The following ZZEF1 variants were observed in gnomAD, a reference collection of about 807,000 sequenced individuals.
ZZEF1 encodes the protein zinc finger ZZ-type and EF-hand domain-containing protein 1.
Under a neutral mutation model 342.8 loss-of-function variants are expected in ZZEF1, and 157 were observed. The observed-to-expected ratio is 0.46, with a 90% confidence interval of 0.40 to 0.52. The LOEUF (loss-of-function observed/expected upper bound fraction) is 0.52. ZZEF1 is among the 20% of genes least tolerant of loss of function. The probability of loss-of-function intolerance (pLI) is 0.00; values close to 1 mark genes in which losing one functional copy is unlikely to be tolerated. For synonymous variants in ZZEF1, 1,505 were observed against 1,429.1 expected, an observed-to-expected ratio of 1.05 and a Z score of -1.20; for missense variants, 3,480 against 3,725.6, an observed-to-expected ratio of 0.93 and a Z score of 1.72.
chr17:4,018,529 T>C (rs567711389), intron 46 of ZZEF1, among the ~76,000 whole-genome samples: 25 of 152,108 alleles, frequency 1.6e-4, no homozygotes, highest in African/African-American at 5.1e-4. Context: ...ACTGCTGTGG[T>C]TGGAGGTTTA....
intron 25 of ZZEF1, 133 bp from the exon 26 acceptor site, chr17:4,071,057 G>T: frequency 9.5e-7 from 1 of 1,053,018 alleles, no homozygotes; most frequent in South Asian, 1.8e-5. Context: ...TCTATTTTAG[G>T]AAGACCAGAC....
At chr17:4,076,615 C>T in intron 21 of ZZEF1, 22 bp downstream of exon 21, 1 of 1,599,196 alleles carries the variant, frequency 6.3e-7, no homozygotes, top group South Asian at 1.1e-5. Flanking sequence ...CACGGGGCGG[C>T]TCAAGTGCTG....
intron 52 of ZZEF1, among the ~76,000 whole-genome samples, chr17:4,012,518 CAG>C (rs1244764039): frequency 1.3e-5 from 2 of 152,184 alleles, no homozygotes; most frequent in Non-Finnish European, 2.9e-5. Flanking sequence ...GAGCTCCTGA[CAG>C]GGAGGGTTCT....
chr17:4,063,185 C>T (rs1457907224), intron 29 of ZZEF1, among the ~76,000 whole-genome samples: 2 of 152,232 alleles, frequency 1.3e-5, no homozygotes, highest in African/African-American at 4.8e-5. Flanking sequence ...TTGATATTTT[C>T]ACTTTCCATA....
At chr17:4,123,267 CCATATATATATATATATATATATA>C (rs2058514704) in intron 2 of ZZEF1, among the ~76,000 whole-genome samples, 1 of 41,522 alleles carries the variant, frequency 2.4e-5, no homozygotes, top group African/African-American at 8.8e-5. Context: ...TTTATCATAA[CCATATATATATATATATATATATA>C]TATATATATA....
At chr17:4,038,168 T>C (rs2056716721) in intron 39 of ZZEF1, among the ~76,000 whole-genome samples, 1 of 152,248 alleles carries the variant, frequency 6.6e-6, no homozygotes, top group Non-Finnish European at 1.5e-5. Flanking sequence ...TTTGAGAGGA[T>C]ATGGAGCAAA....
rs2058202695 is a variant in ZZEF1, at chr17:4,105,816, G to C, written c.1278-7C>G. 6.3e-7 allele frequency: 1 copy of C among 1,591,542 alleles called. No individual in the cohort carries two copies. ...CATGTGCCGCAGCGCCTTCCTAGAA[G>C]AGGAAAATGTAAAATGTAATCAGAA... On this transcript the variant is annotated splice_region_variant and splice_polypyrimidine_tract_variant and intron_variant, in intron 6 of 54. Coordinates refer to ENST00000381638, the MANE Select transcript of ZZEF1 (RefSeq NM_015113.4).
At chr17:4,130,685 C>T (rs917176811) in intron 1 of ZZEF1, among the ~76,000 whole-genome samples, 2 of 152,038 alleles carry the variant, frequency 1.3e-5, no homozygotes, top group South Asian at 4.1e-4. Context: ...TTCAAGACGT[C>T]CCACATCCAA....
At position 4,017,907 on chromosome 17, in the gene ZZEF1, T is replaced by G; in HGVS notation, c.7570A>C (p.Ser2524Arg). The G allele has an allele frequency of 6.2e-7, 1 of 1,614,184 alleles. No homozygotes were observed. The change falls in exon 47 of 55, where the codon AGT (serine) becomes CGT (arginine). Residue 2524 changes from serine (S) to arginine (R), a missense_variant. Around this residue, in one of 5 missense-constraint regions of ZZEF1, gnomAD observed 1,269 missense variants for 1,342.4 expected, o/e 0.95. Coordinates refer to ENST00000381638, the MANE Select transcript of ZZEF1 (RefSeq NM_015113.4). The surrounding 1 kb of genome is among the most constrained non-coding windows in gnomAD (Gnocchi z 5.1). ...IRSLAQRWQP[S>R]KSLRLEEQSA... ...TGTTCTTCCAGCCTCAGACTCTTAC[T>G]GGGCTGCCACCGCTGAGCCAGGGAC... is the stretch of plus-strand genomic sequence containing the variant.
intron 39 of ZZEF1, among the ~76,000 whole-genome samples, chr17:4,039,537 A>C (rs1447056777): frequency 2.0e-5 from 3 of 152,130 alleles, no homozygotes; most frequent in Non-Finnish European, 4.4e-5. Flanking sequence ...GCAGACACAG[A>C]AGCAAAGCCA....
intron 1 of ZZEF1, among the ~76,000 whole-genome samples, chr17:4,135,721 G>C (rs369553469): frequency 6.6e-6 from 1 of 152,078 alleles, no homozygotes; most frequent in African/African-American, 2.4e-5. Context: ...TGATAACAGC[G>C]ATCAGGTCCT....
intron 26 of ZZEF1, among the ~76,000 whole-genome samples, chr17:4,069,667 C>T (rs1456131581): frequency 7.2e-5 from 11 of 152,146 alleles, no homozygotes. Flanking sequence ...CCCGTCTCTA[C>T]TAAAAATACA....
chr17:4,058,010 G>A lies in ZZEF1; in HGVS notation c.5149C>T (p.His1717Tyr), dbSNP rs745868812. 6.2e-7 allele frequency: 1 copy of A among 1,613,960 alleles called. No homozygotes were observed. The highest frequency in any genetic ancestry group is 8.5e-7 in the Non-Finnish European group (1 of 1,179,998). ...MKMSQENISV[H>Y]DSVISQWSEE... ...TGCTCTTACCTGATCACACTGTCAT[G>A]GACACTTATATTCTCCTGTGACATT... The change falls in exon 32 of 55, where the codon CAT (histidine) becomes TAT (tyrosine). Residue 1717 changes from histidine to tyrosine, a missense_variant. By Grantham distance (83) the His-to-Tyr change is moderately conservative (BLOSUM62 2). This residue lies in a region of ZZEF1 where 175 missense variants were observed against 254.6 expected (regional missense o/e 0.69). Transcript: ENST00000381638.
chr17:4,036,908 C>G (rs1043032794), intron 39 of ZZEF1, among the ~76,000 whole-genome samples: 1 of 151,080 alleles, frequency 6.6e-6, no homozygotes, highest in African/African-American at 2.4e-5. Context: ...AGCAATGAAC[C>G]CACCTAGTGC....
chr17:4,068,550 G>A (rs1303962708), intron 26 of ZZEF1, among the ~76,000 whole-genome samples: 3 of 143,118 alleles, frequency 2.1e-5, no homozygotes, highest in African/African-American at 5.6e-5. Flanking sequence ...GCCTCCCAAA[G>A]TGCTGGGATT....
chr17:4,101,850 G>A (rs34213341), intron 9 of ZZEF1, among the ~76,000 whole-genome samples: 1 of 151,878 alleles, frequency 6.6e-6, no homozygotes, highest in South Asian at 2.1e-4. Context: ...GGCTTGTCTT[G>A]AACTCCTGGC....
chr17:4,049,734 C>G lies in ZZEF1; in HGVS notation c.5989G>C (p.Gly1997Arg), dbSNP rs749619776. The stretch of plus-strand genomic sequence containing the variant: ...TTGCCTGCTTCTGACAGCTCAGCAC[C>G]CTGGACAGCTTTCTTCTCTAGCTGC... ...EEQLEKKAVQ[G>R]AELSEAGNGK... is the part of the protein sequence containing the mutation. Residue 1997 changes from glycine to arginine, a missense_variant, in exon 37 of 55, where the codon GGT (glycine) becomes CGT (arginine). This residue lies in a region of ZZEF1 where 1,269 missense variants were observed against 1,342.4 expected (regional missense o/e 0.95). Transcript: ENST00000381638. 4 of 1,613,964 alleles carry G rather than the reference C, an allele frequency of 2.5e-6. No homozygotes were observed. The African/African-American group carries it at 4.0e-5, about 16-fold the overall frequency.
At chr17:4,009,908 G>T in intron 52 of ZZEF1, 151 bp from the exon 53 acceptor site, 1 of 861,518 alleles carries the variant, frequency 1.2e-6, no homozygotes, top group Non-Finnish European at 1.8e-6. Context: ...TCCCCACAAA[G>T]CAGCCACGAA....
chr17:4,093,059 T>C (rs1021174501), intron 11 of ZZEF1, among the ~76,000 whole-genome samples: 4 of 151,848 alleles, frequency 2.6e-5, no homozygotes, highest in Admixed American at 1.3e-4. Context: ...AAAATCACGA[T>C]TTAAGAGTCA....
Sources: gnomAD v4.1 joint callset for allele counts (sites outside exome capture counted in the v4.1 genomes callset) on GRCh38, gnomAD v4.1.1 for gene constraint, gnomAD v4.1.1 regional missense constraint, Gnocchi (gnomAD v3.1) non-coding constraint, MANE v1.5 for transcripts, NCBI Gene and HGNC (gene_info 2026-07-23, HGNC 2026-07-21) for gene names.